Variants in GRIN2A observed in about 807,000 individuals in gnomAD.
GRIN2A encodes glutamate ionotropic receptor NMDA type subunit 2A.
GRIN2A carries 22 observed loss-of-function variants against 113.4 expected under a neutral mutation model. That is an observed-to-expected ratio of 0.19 (90% CI 0.14 to 0.28). The LOEUF is 0.28. Ranked by LOEUF, GRIN2A falls within the 10% of genes least tolerant of loss-of-function variation. The probability of loss-of-function intolerance (pLI) is 1.00; values close to 1 mark genes in which losing one functional copy is unlikely to be tolerated. For synonymous variants in GRIN2A, 827 were observed against 738.4 expected, an observed-to-expected ratio of 1.12 and a Z score of -1.94; for missense variants, 1,502 against 1,887.0, an observed-to-expected ratio of 0.80 and a Z score of 3.78.
At chr16:9,793,295 A>G (rs1902735595) in intron 11 of GRIN2A, among the ~76,000 whole-genome samples, 1 of 152,206 alleles carries the variant, frequency 6.6e-6, no homozygotes, top group East Asian at 1.9e-4. Context: ...AAAATTAGGC[A>G]TTCTTGTTCT....
chr16:10,000,249 T>G (rs185964493), intron 2 of GRIN2A, among the ~76,000 whole-genome samples: 1 of 152,286 alleles, frequency 6.6e-6, no homozygotes, highest in East Asian at 1.9e-4. Flanking sequence ...TTCCAAGCAT[T>G]AGGGCATGGA....
At chr16:9,933,558 T>A (rs28564422) in intron 3 of GRIN2A, among the ~76,000 whole-genome samples, 1,908 of 152,296 alleles carry the variant, frequency 0.013, 43 homozygotes, top group African/African-American at 0.044. Context: ...TATTTGTTTA[T>A]CAGATGCTTT....
At chr16:10,161,069 C>T (rs1323642378) in intron 2 of GRIN2A, among the ~76,000 whole-genome samples, 4 of 152,208 alleles carry the variant, frequency 2.6e-5, no homozygotes, top group Non-Finnish European at 5.9e-5. Flanking sequence ...ACATAAATCT[C>T]ATCTTGAATT....
chr16:9,949,586 A>G (rs1480926175), intron 2 of GRIN2A, among the ~76,000 whole-genome samples: 2 of 151,294 alleles, frequency 1.3e-5, no homozygotes, highest in African/African-American at 4.9e-5. Context: ...ATGAATGGAT[A>G]GACGGACAGA....
At chr16:10,140,673 C>A (rs2049308738) in intron 2 of GRIN2A, among the ~76,000 whole-genome samples, 1 of 152,184 alleles carries the variant, frequency 6.6e-6, no homozygotes, top group Non-Finnish European at 1.5e-5. Context: ...CCAGCCTGGT[C>A]AGTCAGTGTA....
In GRIN2A at chr16:9,849,903, T is replaced by A. The variant is rs2042852254; in HGVS notation, c.1181A>T (p.Lys394Met). The change falls in exon 5 of 13, where the codon AAG (lysine) becomes ATG (methionine). Residue 394 changes from lysine to methionine, a missense_variant. Transcript: ENST00000330684. ...SLRHAVWPRY[K>M]SFSDCEPDDN... ...ATCCGGCTCACAGTCGGAGAAGGAC[T>A]TGTACCTGGGCCACACGGCGTGCCT... 6.2e-7 allele frequency: 1 copy of A among 1,613,992 alleles called. No homozygotes were observed.
At chr16:9,936,978 T>C (rs2044726751) in intron 3 of GRIN2A, among the ~76,000 whole-genome samples, 1 of 152,162 alleles carries the variant, frequency 6.6e-6, no homozygotes, top group Non-Finnish European at 1.5e-5. Context: ...GACCCAAAAA[T>C]CCTATATCTT....
chr16:9,789,387 G>C (rs966658980), intron 11 of GRIN2A, among the ~76,000 whole-genome samples: 1 of 152,130 alleles, frequency 6.6e-6, no homozygotes, highest in Non-Finnish European at 1.5e-5. Context: ...CTTGATTAAA[G>C]AGACTGAATC....
chr16:10,107,849 A>T (rs2048528258), intron 2 of GRIN2A, among the ~76,000 whole-genome samples: 1 of 152,194 alleles, frequency 6.6e-6, no homozygotes, highest in Admixed American at 6.5e-5. Flanking sequence ...TGCCTGTCTG[A>T]CCACACTGAT....
chr16:9,862,321 A>AT (rs1334782048), intron 4 of GRIN2A, among the ~76,000 whole-genome samples: 1 of 152,046 alleles, frequency 6.6e-6, no homozygotes, highest in Non-Finnish European at 1.5e-5. Flanking sequence ...GGAGAAGTAG[A>AT]TTTTTTTTCC....
intron 2 of GRIN2A, chr16:10,179,736 G>A (rs1006560411): frequency 5.6e-6 from 3 of 531,884 alleles, no homozygotes; most frequent in Non-Finnish European, 1.0e-5. Context: ...CTACTTCTCA[G>A]TTTTCTGAGC....
intron 2 of GRIN2A, among the ~76,000 whole-genome samples, chr16:10,169,464 T>C (rs1244178628): frequency 6.6e-6 from 1 of 152,204 alleles, no homozygotes; most frequent in Non-Finnish European, 1.5e-5. Flanking sequence ...TTCTGGCCAC[T>C]GACATGTAAG....
chr16:10,103,257 T>C (rs4780811), intron 2 of GRIN2A, among the ~76,000 whole-genome samples: 142,157 of 152,218 alleles, frequency 0.93, 67,143 homozygotes, highest in East Asian at 1. Context: ...ACAGCTAAGC[T>C]GATGTATCAC....
At chr16:10,100,967 T>C (rs976577713) in intron 2 of GRIN2A, among the ~76,000 whole-genome samples, 23 of 152,216 alleles carry the variant, frequency 1.5e-4, no homozygotes, top group African/African-American at 5.5e-4. Flanking sequence ...GAATGTGTCA[T>C]TCAGCCACTG....
intron 3 of GRIN2A, among the ~76,000 whole-genome samples, chr16:9,922,545 C>A (rs912696724): frequency 3.3e-5 from 5 of 152,192 alleles, no homozygotes; most frequent in Admixed American, 2.6e-4. Context: ...TTCTTCATGC[C>A]CTCATACCCA....
Position 10,119,102 on chromosome 16 carries a change from C to A in GRIN2A, c.414+60896G>T, listed in dbSNP as rs535952437. 2.6e-5 allele frequency among the ~76,000 whole-genome samples: 4 copies of A among 152,256 alleles called. No homozygotes were observed. In the South Asian group the frequency reaches 8.3e-4, roughly 32 times the overall value. On this transcript the variant is annotated intron_variant, in intron 2 of 12. Transcript: ENST00000330684. ...CATTACATCAGCAGGAAGCAAACTT[C>A]TACTATGTTATACCACTGATATTTG... is the stretch of plus-strand genomic sequence containing the variant.
intron 11 of GRIN2A, among the ~76,000 whole-genome samples, chr16:9,771,289 TC>T (rs200188328): frequency 6.6e-6 from 1 of 152,102 alleles, no homozygotes; most frequent in African/African-American, 2.4e-5. Flanking sequence ...ATATTTGCAT[TC>T]TTTTTTCTCT....
chr16:9,846,649 C>T (rs1467732297), intron 5 of GRIN2A, among the ~76,000 whole-genome samples: 1 of 152,036 alleles, frequency 6.6e-6, no homozygotes, highest in Non-Finnish European at 1.5e-5. Flanking sequence ...GCTCAGAAGC[C>T]AGGGAGAAGA....
chr16:9,837,698 G>C (rs1380513160), intron 7 of GRIN2A, among the ~76,000 whole-genome samples: 3 of 152,172 alleles, frequency 2.0e-5, no homozygotes, highest in Non-Finnish European at 2.9e-5. Flanking sequence ...AGTGACTAAA[G>C]AGTGAATGTC....
Sources: gnomAD v4.1 joint callset for allele counts (sites outside exome capture counted in the v4.1 genomes callset) on GRCh38, gnomAD v4.1.1 for gene constraint, MANE v1.5 for transcripts, NCBI Gene and HGNC (gene_info 2026-07-23, HGNC 2026-07-21) for gene names.